Variants in TMEM244 observed in about 807,000 individuals in gnomAD.
The protein encoded by TMEM244 is transmembrane protein 244, also known as putative transmembrane protein 244.
TMEM244 carries 13 observed loss-of-function variants against 15.8 expected under a neutral mutation model. The observed-to-expected ratio is 0.82, with a 90% confidence interval of 0.53 to 1.30. The LOEUF is 1.30. TMEM244 is among the 50% of genes most tolerant of loss of function. The probability of loss-of-function intolerance (pLI) is 0.00; values close to 1 mark genes in which losing one functional copy is unlikely to be tolerated. For synonymous variants in TMEM244, 45 were observed against 48.7 expected (o/e 0.92, Z 0.32); for missense variants, 161 against 144.9 (o/e 1.11, Z -0.57).
chr6:129,857,626 T>C (rs992843325), intron 1 of TMEM244, among the ~76,000 whole-genome samples: 4 of 151,996 alleles, frequency 2.6e-5, no homozygotes, highest in Non-Finnish European at 5.9e-5. Flanking sequence ...TCCCAAAGTG[T>C]TGGGATAATA....
intron 4 of TMEM244, 135 bp downstream of exon 4, chr6:129,833,325 C>A (rs1776357175): frequency 5.1e-6 from 5 of 984,450 alleles, no homozygotes; most frequent in East Asian, 3.0e-5. Flanking sequence ...GGGATGAAGA[C>A]CTTTCATCTT....
chr6:129,833,018 T>G (rs1196564975), intron 4 of TMEM244, among the ~76,000 whole-genome samples: 3 of 152,082 alleles, frequency 2.0e-5, no homozygotes, highest in African/African-American at 7.2e-5. Context: ...TCAGTTTAGT[T>G]CTGAATCAGA....
intron 1 of TMEM244, among the ~76,000 whole-genome samples, chr6:129,849,884 T>G (rs543856118): frequency 6.6e-6 from 1 of 152,328 alleles, no homozygotes; most frequent in South Asian, 2.1e-4. Flanking sequence ...TGTGTGTATG[T>G]GTGCCTCCGT....
At chr6:129,849,165 T>A (rs1776602848) in intron 1 of TMEM244, among the ~76,000 whole-genome samples, 1 of 152,026 alleles carries the variant, frequency 6.6e-6, no homozygotes. Context: ...CACTTACTTT[T>A]TCTGACAAAT....
chr6:129,844,554 C>T (rs1457088044), intron 2 of TMEM244, among the ~76,000 whole-genome samples: 2 of 152,140 alleles, frequency 1.3e-5, no homozygotes, highest in African/African-American at 4.8e-5. Flanking sequence ...TATATTATAC[C>T]CAAGTTTGTA....
intron 2 of TMEM244, 137 bp from the exon 3 acceptor site, chr6:129,843,740 G>C: frequency 3.5e-6 from 2 of 569,738 alleles, no homozygotes; most frequent in East Asian, 3.0e-5. Context: ...TTCAAAACTG[G>C]CTGGAATGTG....
At chr6:129,847,587 G>A (rs1776577479) in intron 1 of TMEM244, among the ~76,000 whole-genome samples, 1 of 151,964 alleles carries the variant, frequency 6.6e-6, no homozygotes, top group Admixed American at 6.6e-5. Context: ...TGAGAAAACA[G>A]GACTCCAAGG....
In TMEM244 at chr6:129,848,378, G is replaced by A. The variant is rs1776590201; in HGVS notation, c.34-2526C>T. Among the ~76,000 whole-genome samples the A allele has an allele frequency of 2.6e-5, 4 of 152,188 alleles. No individual in the cohort carries two copies. The South Asian group carries it at 8.3e-4, about 31-fold the overall frequency. On this transcript the variant is annotated intron_variant, in intron 1 of 4. Coordinates refer to ENST00000368143, the MANE Select transcript of TMEM244 (RefSeq NM_001010876.2). ...ACGTGCCCATTACTGAACAATCACAGGTAAAGAGTAAAAGGGTTTTAACAT... is the reference window on the plus strand; with the variant it reads ...ACGTGCCCATTACTGAACAATCACAAGTAAAGAGTAAAAGGGTTTTAACAT...
chr6:129,849,828 A>G (rs549407100), intron 1 of TMEM244, among the ~76,000 whole-genome samples: 4 of 152,050 alleles, frequency 2.6e-5, no homozygotes, highest in Non-Finnish European at 5.9e-5. Context: ...ACAGAGTGCT[A>G]TGTAAGCCCA....
chr6:129,833,466 A>C lies in TMEM244; in HGVS notation c.313T>G (p.Ser105Ala), dbSNP rs1776358619. The part of the protein sequence containing the change: ...SVTILHVAIT[S>A]TVMLEFPLTS... ...GTTATTTTATTCTGCTTACCAGTTG[A>C]AGTGATGGCAACATGAAGAATAGTG... The change falls in exon 4 of 5, where the codon TCA becomes GCA. Residue 105 changes from serine to alanine, a missense_variant. Transcript: ENST00000368143. 1 of 1,611,276 alleles carries C rather than the reference A, an allele frequency of 6.2e-7. No homozygotes were observed. The highest frequency in any genetic ancestry group is 1.7e-5 in the Admixed American group (1 of 59,550).
chr6:129,848,150 C>T (rs2114641749), intron 1 of TMEM244, among the ~76,000 whole-genome samples: 1 of 152,282 alleles, frequency 6.6e-6, no homozygotes, highest in African/African-American at 2.4e-5. Context: ...TGGTCCCCTC[C>T]TGTCCATGCT....
chr6:129,857,111 T>C (rs911646498), intron 1 of TMEM244, among the ~76,000 whole-genome samples: 3 of 152,078 alleles, frequency 2.0e-5, no homozygotes, highest in African/African-American at 7.2e-5. Context: ...CTGATTTTTG[T>C]ATTTTAATAG....
At chr6:129,831,628 C>T (rs1776330004) in intron 4 of TMEM244, among the ~76,000 whole-genome samples, 1 of 152,134 alleles carries the variant, frequency 6.6e-6, no homozygotes, top group African/African-American at 2.4e-5. Flanking sequence ...AGATCAGCTC[C>T]CAAAGTTGAT....
chr6:129,834,311 G>A (rs898163918), intron 3 of TMEM244, among the ~76,000 whole-genome samples: 1 of 152,182 alleles, frequency 6.6e-6, no homozygotes, highest in South Asian at 2.1e-4. Flanking sequence ...TTTAAGACTA[G>A]CATGTTTTCA....
rs34238013 is a variant in TMEM244, at chr6:129,847,775, C to CT, written c.34-1924dup. On this transcript the variant is annotated intron_variant, in intron 1 of 4. Coordinates refer to ENST00000368143, the MANE Select transcript of TMEM244 (RefSeq NM_001010876.2). ...ATTCCTTGTTTCTTTTTTCTTTTTTCTTTTTTTTTTTTTTTTGAGACAGAG... is the reference window on the plus strand; with the variant it reads ...ATTCCTTGTTTCTTTTTTCTTTTTTCTTTTTTTTTTTTTTTTTGAGACAGAG... Among the ~76,000 whole-genome samples the CT allele has an allele frequency of 6.2e-3, 854 of 137,438 alleles. 2 individuals are homozygous for CT. The highest frequency in any genetic ancestry group is 0.012 in the East Asian group (56 of 4,802). 90.2% of individuals were successfully genotyped at this position (137,438 alleles called of 152,430 possible).
intron 1 of TMEM244, among the ~76,000 whole-genome samples, chr6:129,855,970 CTGA>C (rs1776699954): frequency 6.6e-6 from 1 of 152,080 alleles, no homozygotes; most frequent in Non-Finnish European, 1.5e-5. Flanking sequence ...GTATTGTAAA[CTGA>C]TGGTTTTATT....
At chr6:129,859,732 T>C (rs1776773767) in intron 1 of TMEM244, among the ~76,000 whole-genome samples, 2 of 152,234 alleles carry the variant, frequency 1.3e-5, no homozygotes, top group South Asian at 4.1e-4. Flanking sequence ...TCAGCTTTTC[T>C]GTCATTTAAA....
intron 3 of TMEM244, among the ~76,000 whole-genome samples, chr6:129,835,498 T>C (rs766252420): frequency 2.0e-5 from 3 of 151,550 alleles, no homozygotes; most frequent in Non-Finnish European, 2.9e-5. Context: ...ACGCAGAAGA[T>C]GGGTGATTTC....
chr6:129,856,895 A>T (rs10484277), intron 1 of TMEM244, among the ~76,000 whole-genome samples: 12,621 of 152,044 alleles, frequency 0.083, 703 homozygotes, highest in Non-Finnish European at 0.12. Flanking sequence ...AAACTTATTC[A>T]AGTCCACTTT....
Sources: gnomAD v4.1 joint callset for allele counts (sites outside exome capture counted in the v4.1 genomes callset) on GRCh38, gnomAD v4.1.1 for gene constraint, MANE v1.5 for transcripts, NCBI Gene and HGNC (gene_info 2026-07-23, HGNC 2026-07-21) for gene names.